The following LRRTM4 variants were observed in gnomAD, a reference collection of about 807,000 sequenced individuals.
LRRTM4 encodes the protein leucine-rich repeat transmembrane neuronal protein 4.
In LRRTM4, 25 loss-of-function variants were observed where a neutral mutation model predicts 47.6. The observed-to-expected ratio is 0.53, with a 90% confidence interval of 0.38 to 0.73. The LOEUF is 0.73. Among genes scored for constraint, LRRTM4 ranks in the 30% least tolerant of loss-of-function variants. The pLI is 0.00. For synonymous variants in LRRTM4, 311 were observed against 269.5 expected (o/e 1.15, Z -1.51); for missense variants, 638 against 713.4 (o/e 0.89, Z 1.20).
At chr2:77,200,295 G>A (rs1281926957) in intron 3 of LRRTM4, among the ~76,000 whole-genome samples, 1 of 152,040 alleles carries the variant, frequency 6.6e-6, no homozygotes, top group Non-Finnish European at 1.5e-5. Flanking sequence ...ATAATAAAAT[G>A]TTAGCTCTCT....
chr2:76,780,165 C>T (rs1214996577), intron 3 of LRRTM4, among the ~76,000 whole-genome samples: 4 of 152,148 alleles, frequency 2.6e-5, no homozygotes, highest in Admixed American at 1.3e-4. Context: ...TTGAGGGTAA[C>T]CCGACCTTTC....
At chr2:77,172,555 T>C (rs1553403075) in intron 3 of LRRTM4, among the ~76,000 whole-genome samples, 1 of 152,062 alleles carries the variant, frequency 6.6e-6, no homozygotes, top group Non-Finnish European at 1.5e-5. Context: ...GTCGTGCCAC[T>C]GCACTCCAGC....
chr2:76,796,519 C>A (rs1190618684), intron 3 of LRRTM4, among the ~76,000 whole-genome samples: 6 of 127,498 alleles, frequency 4.7e-5, no homozygotes, highest in African/African-American at 1.3e-4. Context: ...CCAGAACACC[C>A]TAACTGGGAG....
Position 77,075,914 on chromosome 2 carries a change from C to CAAAAAAAAAAAAAAA in LRRTM4, c.1552-327013_1552-326999dup, listed in dbSNP as rs61718845. ...TGGGCGACAGAGCGAGACTCCGTCT[C>CAAAAAAAAAAAAAAA]AAAAAAAAAAAAAAAAAAAAAAAAA... On this transcript the variant is annotated intron_variant, in intron 3 of 3. Coordinates refer to ENST00000409884, the MANE Select transcript of LRRTM4 (RefSeq NM_001134745.3). Among the ~76,000 whole-genome samples the CAAAAAAAAAAAAAAA allele has an allele frequency of 2.5e-3, 93 of 36,840 alleles. 2 individuals are homozygous for CAAAAAAAAAAAAAAA. The highest frequency in any genetic ancestry group is 3.0e-3 in the Non-Finnish European group (58 of 19,434). The allele number at this position is 36,840 out of a possible 152,430, so 24.2% of individuals were successfully genotyped here.
chr2:77,069,938 T>G (rs1680095571), intron 3 of LRRTM4, among the ~76,000 whole-genome samples: 1 of 152,162 alleles, frequency 6.6e-6, no homozygotes, highest in Non-Finnish European at 1.5e-5. Context: ...TAAAACATAT[T>G]TCAGAAATAC....
At position 77,398,279 on chromosome 2, in the gene LRRTM4, C is replaced by T. The variant is rs566968646; in HGVS notation, c.1551+120039G>A. On this transcript the variant is annotated intron_variant, in intron 3 of 3. Coordinates refer to ENST00000409884, the MANE Select transcript of LRRTM4 (RefSeq NM_001134745.3). ...TCATAACAGATAATACATAAGAATG[C>T]TAAAACAGGTCTAGAACATCTTCAC... Among the ~76,000 whole-genome samples, 10 of 151,978 alleles carry T rather than the reference C, an allele frequency of 6.6e-5. No homozygotes were observed. In the East Asian group the frequency reaches 1.4e-3, roughly 21 times the overall value.
At chr2:76,904,604 GA>G (rs1172257367) in intron 3 of LRRTM4, among the ~76,000 whole-genome samples, 4 of 152,116 alleles carry the variant, frequency 2.6e-5, no homozygotes, top group African/African-American at 9.7e-5. Context: ...AACTCTAAAA[GA>G]AGCTATTTTT....
chr2:77,238,693 C>T lies in LRRTM4; in HGVS notation c.1551+279625G>A, dbSNP rs542179596. Among the ~76,000 whole-genome samples the T allele has an allele frequency of 1.2e-3, 179 of 152,078 alleles. 2 individuals carry two copies. In the South Asian group the frequency reaches 0.036, roughly 31 times the overall value. On this transcript the variant is annotated intron_variant, in intron 3 of 3. Transcript: ENST00000409884. ...AACCAAAGCTAAAGAGTCAAAGTTA[C>T]AGATAGCCATCCAGAAAAACACATA...
At chr2:77,160,523 G>T (rs1318039880) in intron 3 of LRRTM4, among the ~76,000 whole-genome samples, 1 of 151,948 alleles carries the variant, frequency 6.6e-6, no homozygotes, top group African/African-American at 2.4e-5. Flanking sequence ...ACTTTAAAAG[G>T]CAGTCCTTTA....
intron 3 of LRRTM4, among the ~76,000 whole-genome samples, chr2:77,013,430 T>C (rs897674358): frequency 2.0e-5 from 3 of 152,046 alleles, no homozygotes; most frequent in Non-Finnish European, 4.4e-5. Context: ...GAAAATCGCC[T>C]TGTAATGAGC....
chr2:77,348,366 C>G (rs1246144100), intron 3 of LRRTM4, among the ~76,000 whole-genome samples: 1 of 150,982 alleles, frequency 6.6e-6, no homozygotes. Flanking sequence ...TTATTTTATA[C>G]CCTGTATCGT....
chr2:77,114,855 A>G (rs1671344586), intron 3 of LRRTM4, among the ~76,000 whole-genome samples: 1 of 152,130 alleles, frequency 6.6e-6, no homozygotes, highest in Admixed American at 6.5e-5. Flanking sequence ...GGCAATAAAG[A>G]TCACGAGGCA....
chr2:77,295,244 C>CTTATA (rs1676937795), intron 3 of LRRTM4, among the ~76,000 whole-genome samples: 1 of 152,118 alleles, frequency 6.6e-6, no homozygotes, highest in African/African-American at 2.4e-5. Flanking sequence ...ACAGTACCCT[C>CTTATA]TTATATTATA....
At chr2:77,176,601 G>A (rs915114669) in intron 3 of LRRTM4, among the ~76,000 whole-genome samples, 6 of 152,164 alleles carry the variant, frequency 3.9e-5, no homozygotes, top group Non-Finnish European at 2.9e-5. Flanking sequence ...GGGTGATGGC[G>A]TGAGGAACAA....
chr2:77,114,585 C>A (rs1298610016), intron 3 of LRRTM4, among the ~76,000 whole-genome samples: 1 of 152,132 alleles, frequency 6.6e-6, no homozygotes, highest in Non-Finnish European at 1.5e-5. Flanking sequence ...TGTTGGCATG[C>A]CAGATATCAG....
chr2:77,491,436 C>T (rs1243692011), intron 3 of LRRTM4, among the ~76,000 whole-genome samples: 1 of 151,988 alleles, frequency 6.6e-6, no homozygotes, highest in Non-Finnish European at 1.5e-5. Flanking sequence ...TGGCTCATCA[C>T]ATTCCAAACA....
intron 3 of LRRTM4, among the ~76,000 whole-genome samples, chr2:76,941,990 T>A (rs1675160240): frequency 6.6e-6 from 1 of 152,150 alleles, no homozygotes. Flanking sequence ...TCCTGACTTT[T>A]TAATGATCCC....
At chr2:76,906,877 G>C (rs1371943263) in intron 3 of LRRTM4, among the ~76,000 whole-genome samples, 1 of 151,466 alleles carries the variant, frequency 6.6e-6, no homozygotes, top group African/African-American at 2.4e-5. Context: ...AAGAGACTTA[G>C]ACTCCCACAC....
chr2:77,484,511 G>A (rs931677352), intron 3 of LRRTM4, among the ~76,000 whole-genome samples: 7 of 152,090 alleles, frequency 4.6e-5, no homozygotes, highest in Non-Finnish European at 1.0e-4. Flanking sequence ...GTGGTATGGG[G>A]ACTTTCTGTT....
Sources: allele counts gnomAD v4.1 joint callset (sites outside exome capture counted in the v4.1 genomes callset), GRCh38; gene constraint gnomAD v4.1.1; transcripts MANE v1.5; gene names NCBI Gene and HGNC (gene_info 2026-07-23, HGNC 2026-07-21).